The following TBC1D2 variants were observed in gnomAD, a reference collection of about 807,000 sequenced individuals.
The protein encoded by TBC1D2 is TBC1 domain family member 2, also known as TBC1 domain family member 2A.
A neutral mutation model predicts 91.1 loss-of-function variants in TBC1D2; 58 were observed. That is an observed-to-expected ratio of 0.64 (90% CI 0.52 to 0.79). The LOEUF is 0.79. TBC1D2 is among the 30% of genes least tolerant of loss of function. The pLI, the probability that TBC1D2 is intolerant of heterozygous loss-of-function variation, is 0.00. For synonymous variants in TBC1D2, 482 were observed against 511.5 expected (o/e 0.94, Z 0.78); for missense variants, 1,080 against 1,208.3 (o/e 0.89, Z 1.57).
At chr9:98,243,675 T>C (rs1563988608) in intron 3 of TBC1D2, among the ~76,000 whole-genome samples, 1 of 152,020 alleles carries the variant, frequency 6.6e-6, no homozygotes, top group Non-Finnish European at 1.5e-5. Flanking sequence ...TAGCTGGGAT[T>C]ATAGGCACCT....
chr9:98,201,572 G>T lies in TBC1D2; in HGVS notation c.2364C>A (p.Val788=). The change falls in exon 11 of 13, where the codon GTC becomes GTA. Residue 788 remains valine, a synonymous_variant. Transcript: ENST00000465784. The stretch of plus-strand genomic sequence containing the variant: ...AGACCACGAGGAACCAGTTGAAGGT[G>T]ACGAGGGAGAGATCCACGTGGTGCT... ...LGQHHVDLSL[V]TFNWFLVVFA... is the part of the protein sequence containing the mutation. 3.1e-6 allele frequency: 5 copies of T among 1,614,180 alleles called. No homozygotes were observed. The highest frequency in any genetic ancestry group is 4.2e-6 in the Non-Finnish European group (5 of 1,180,032).
chr9:98,210,546 A>G, intron 8 of TBC1D2, 110 bp downstream of exon 8: 2 of 1,037,532 alleles, frequency 1.9e-6, no homozygotes, highest in Non-Finnish European at 1.4e-6. Flanking sequence ...AGATCAGAGG[A>G]GGTAGTGCTG....
At chr9:98,201,792 CCAGG>C in intron 10 of TBC1D2, 128 bp from the exon 11 acceptor site, 1 of 880,750 alleles carries the variant, frequency 1.1e-6, no homozygotes. Context: ...CCTTTCCTGC[CCAGG>C]AGACACCTCG....
intron 6 of TBC1D2, among the ~76,000 whole-genome samples, chr9:98,218,502 G>A (rs1330510919): frequency 6.6e-6 from 1 of 152,134 alleles, no homozygotes; most frequent in Non-Finnish European, 1.5e-5. Flanking sequence ...GGGAGGCGGA[G>A]CTTGCAGTGA....
At chr9:98,222,983 T>C (rs1829135864) in intron 5 of TBC1D2, among the ~76,000 whole-genome samples, 2 of 152,232 alleles carry the variant, frequency 1.3e-5, no homozygotes, top group South Asian at 2.1e-4. Flanking sequence ...CCATCCAACC[T>C]TTACCAAGCA....
chr9:98,221,177 G>C lies in TBC1D2; in HGVS notation c.1030C>G (p.Arg344Gly), dbSNP rs1398063154. The change falls in exon 6 of 13, where the codon CGG (arginine) becomes GGG (glycine). Residue 344 changes from arginine to glycine, a missense_variant. Transcript: ENST00000465784. ...GCCGCCAGGTATGCGCTGGACGCCC[G>C]CTTCTCCTGCTGGGCGGCCTCCAGT... ...KALEAAQQEK[R>G]ASSAYLAAAE... 1 of 1,559,476 alleles carries C rather than the reference G, an allele frequency of 6.4e-7. No homozygotes were observed. The highest frequency in any genetic ancestry group is 2.4e-5 in the East Asian group (1 of 41,620).
At chr9:98,243,847 T>C (rs1829704655) in intron 3 of TBC1D2, 147 bp downstream of exon 3, 2 of 1,192,966 alleles carry the variant, frequency 1.7e-6, no homozygotes, top group East Asian at 2.6e-5. Context: ...AAATGTAATA[T>C]TTTAAAGTGA....
Position 98,199,184 on chromosome 9 carries a change from A to G in TBC1D2, c.*197T>C, listed in dbSNP as rs774895823. 390 of 643,448 alleles carry G rather than the reference A, an allele frequency of 6.1e-4. 3 individuals are homozygous for G. The highest frequency in any genetic ancestry group is 7.8e-4 in the Admixed American group (27 of 34,432). The allele number at this position is 643,448 out of a possible 1,614,324, so 39.9% of individuals were successfully genotyped here. On this transcript the variant is annotated 3_prime_UTR_variant, in exon 13 of 13. Coordinates refer to ENST00000465784, the MANE Select transcript of TBC1D2 (RefSeq NM_001267571.2). ...GGCATCCCTGGGTAAGTAAGTGCCT[A>G]TGAAGAAGTAGCCCAACCAATGGCT...
At position 98,201,632 on chromosome 9, in the gene TBC1D2, C is replaced by T. The variant is rs534913208; in HGVS notation, c.2304G>A (p.Ser768=). The T allele has an allele frequency of 4.7e-5, 76 of 1,613,598 alleles. No individual in the cohort carries two copies. Among genetic ancestry groups the T allele is most frequent in the South Asian group, 3.5e-4 (32 of 91,056 alleles). Residue 768 remains serine (S), a synonymous_variant, in exon 11 of 13, where the codon TCG becomes TCA. Transcript: ENST00000465784. ...GGGCCATCAGCCTGGGCAGCTTCTC[C>T]GAGAGCAGGTCCTGGAGCACCCGCT... ...VDQRVLQDLL[S]EKLPRLMAHL...
intron 1 of TBC1D2, 104 bp downstream of exon 1, chr9:98,255,069 A>T: frequency 1.3e-6 from 2 of 1,485,568 alleles, no homozygotes; most frequent in Non-Finnish European, 8.9e-7. Context: ...GTCGTCACCG[A>T]CACTCCAAAT....
chr9:98,225,748 G>C (rs1829217516), intron 5 of TBC1D2, among the ~76,000 whole-genome samples: 1 of 152,338 alleles, frequency 6.6e-6, no homozygotes, highest in Non-Finnish European at 1.5e-5. Context: ...CTTCATACCA[G>C]CAGTTCCCAT....
At chr9:98,219,456 C>T (rs1163492026) in intron 6 of TBC1D2, among the ~76,000 whole-genome samples, 1 of 152,134 alleles carries the variant, frequency 6.6e-6, no homozygotes, top group Admixed American at 6.5e-5. Flanking sequence ...TCTATATGTA[C>T]AGTCTCGTGT....
At chr9:98,210,525 A>C (rs1828805946) in intron 8 of TBC1D2, 131 bp downstream of exon 8, 14 of 826,746 alleles carry the variant, frequency 1.7e-5, no homozygotes, top group Middle Eastern at 3.8e-4. Context: ...GCCGCACACT[A>C]ATGCATGTGA....
In TBC1D2 at chr9:98,221,039, C is replaced by T. The variant is rs1246847045; in HGVS notation, c.1168G>A (p.Ala390Thr). 5 of 1,613,678 alleles carry T rather than the reference C, an allele frequency of 3.1e-6. No individual in the cohort carries two copies. In the South Asian group the frequency reaches 5.5e-5, roughly 18 times the overall value. The change falls in exon 6 of 13, where the codon GCG (alanine) becomes ACG (threonine). Residue 390 changes from alanine (A) to threonine (T), a missense_variant. Coordinates refer to ENST00000465784, the MANE Select transcript of TBC1D2 (RefSeq NM_001267571.2). Reference protein sequence around the residue: ...EQERESLAHTASLREQQVQEL... With the variant: ...EQERESLAHTTSLREQQVQEL... ...TGCACCTGCTGCTCCCGCAGGCTCG[C>T]TGTGTGCGCCAGGCTCTCCCGCTCC...
chr9:98,200,820 A>T (rs1828475996), intron 11 of TBC1D2, among the ~76,000 whole-genome samples: 1 of 152,160 alleles, frequency 6.6e-6, no homozygotes, highest in Non-Finnish European at 1.5e-5. Context: ...GTTCGAGACC[A>T]GCCTGGCCAA....
At position 98,229,572 on chromosome 9, in the gene TBC1D2, A is replaced by C. The variant is rs75742921; in HGVS notation, c.782-424T>G. ...TTTCAGGATCCCACCTCTATGTACT[A>C]GGAGATTTTCAAAGCACACAGATCT... On this transcript the variant is annotated intron_variant, in intron 4 of 12. Transcript: ENST00000465784. 2.6e-3 allele frequency among the ~76,000 whole-genome samples: 393 copies of C among 152,352 alleles called. 2 individuals are homozygous for C. The highest frequency in any genetic ancestry group is 9.3e-3 in the African/African-American group (386 of 41,584).
chr9:98,229,312 C>T (rs535124864), intron 4 of TBC1D2, 164 bp from the exon 5 acceptor site: 8 of 643,028 alleles, frequency 1.2e-5, no homozygotes, highest in Non-Finnish European at 1.9e-5. Flanking sequence ...TGAGAATATG[C>T]ACTTCTAAAA....
intron 5 of TBC1D2, among the ~76,000 whole-genome samples, chr9:98,224,822 G>A (rs1358612722): frequency 6.6e-6 from 1 of 152,124 alleles, no homozygotes; most frequent in African/African-American, 2.4e-5. Context: ...GATCCGTGGG[G>A]GGTGTATCTA....
At chr9:98,213,549 T>C (rs1370850143) in intron 6 of TBC1D2, 4 of 423,708 alleles carry the variant, frequency 9.4e-6, no homozygotes, top group Non-Finnish European at 1.4e-5. Context: ...TACTGGGCAG[T>C]TGGGAAACTA....
Sources: gnomAD v4.1 joint callset for allele counts (sites outside exome capture counted in the v4.1 genomes callset) on GRCh38, gnomAD v4.1.1 for gene constraint, MANE v1.5 for transcripts, NCBI Gene and HGNC (gene_info 2026-07-23, HGNC 2026-07-21) for gene names.